INSYN2B: variants seen among roughly 807,000 people sequenced by gnomAD.
INSYN2B encodes the protein protein INSYN2B.
Under a neutral mutation model 41.2 loss-of-function variants are expected in INSYN2B, and 16 were observed. The ratio of observed to expected loss-of-function variants is 0.39; its 90% confidence interval spans 0.26 to 0.59. INSYN2B has a LOEUF of 0.59. INSYN2B is among the 20% of genes least tolerant of loss of function. The pLI, the probability that INSYN2B is intolerant of heterozygous loss-of-function variation, is 0.57. For missense variants in INSYN2B, 608 were observed against 646.4 expected (o/e 0.94, Z 0.64); for synonymous variants, 245 against 244.4 (o/e 1.00, Z -0.02).
At chr5:169,960,844 A>G (rs1777057049) in intron 1 of INSYN2B, among the ~76,000 whole-genome samples, 1 of 152,252 alleles carries the variant, frequency 6.6e-6, no homozygotes, top group Non-Finnish European at 1.5e-5. Context: ...CTCTTTGCCT[A>G]GGATGTGAAT....
chr5:169,863,240 T>C lies in INSYN2B; in HGVS notation c.*1033A>G, dbSNP rs1000474376. ...ATCCATAGTCCTGCTAGTTTTTCAA[T>C]CAGGTGACCATTGTCTGGTCACCAG... On this transcript the variant is annotated 3_prime_UTR_variant, in exon 4 of 4. Coordinates refer to ENST00000377365, the MANE Select transcript of INSYN2B (RefSeq NM_001129891.3). Among the ~76,000 whole-genome samples, 1 of 152,186 alleles carries C rather than the reference T, an allele frequency of 6.6e-6. No homozygotes were observed.
chr5:169,956,292 T>C (rs1561849406), intron 1 of INSYN2B, among the ~76,000 whole-genome samples: 1 of 152,190 alleles, frequency 6.6e-6, no homozygotes, highest in Non-Finnish European at 1.5e-5. Flanking sequence ...ATAGTTGGAG[T>C]GCCTGGGAGC....
At chr5:169,904,583 T>C (rs897764238) in intron 1 of INSYN2B, among the ~76,000 whole-genome samples, 33 of 152,062 alleles carry the variant, frequency 2.2e-4, no homozygotes, top group African/African-American at 6.5e-4. Context: ...AGCAGCACCA[T>C]CATCTCATTC....
intron 1 of INSYN2B, among the ~76,000 whole-genome samples, chr5:169,904,836 G>A (rs1774179383): frequency 6.6e-6 from 1 of 152,160 alleles, no homozygotes; most frequent in Non-Finnish European, 1.5e-5. Flanking sequence ...ATTTCTGTGT[G>A]GGAGGGCCTG....
At position 169,883,780 on chromosome 5, in the gene INSYN2B, T is replaced by C. The variant is rs1454490991; in HGVS notation, c.119A>G (p.Lys40Arg). The C allele has an allele frequency of 6.4e-7, 1 of 1,551,576 alleles. No individual in the cohort carries two copies. The highest frequency in any genetic ancestry group is 8.7e-7 in the Non-Finnish European group (1 of 1,146,970). The change falls in exon 2 of 4, where the codon AAG (lysine) becomes AGG (arginine). Residue 40 changes from lysine to arginine, a missense_variant. Physicochemically the swap from Lys to Arg is conservative, Grantham distance 26. Coordinates refer to ENST00000377365, the MANE Select transcript of INSYN2B (RefSeq NM_001129891.3). ...RRSKSQQVRF[K>R]EDGTTKNPTG... ...TGGATTCTTAGTGGTCCCATCTTCC[T>C]TGAATCTCACCTGCTGGGATTTGCT...
At chr5:169,923,130 A>G (rs1775264576) in intron 1 of INSYN2B, among the ~76,000 whole-genome samples, 1 of 152,208 alleles carries the variant, frequency 6.6e-6, no homozygotes, top group Non-Finnish European at 1.5e-5. Context: ...TCCAAGGCCT[A>G]TGCTCCTCAC....
At chr5:169,909,885 G>A (rs1191734414) in intron 1 of INSYN2B, among the ~76,000 whole-genome samples, 1 of 152,156 alleles carries the variant, frequency 6.6e-6, no homozygotes, top group East Asian at 1.9e-4. Context: ...TCACTGAGTT[G>A]TTTACTTGGG....
chr5:169,890,742 A>G (rs1048695795), intron 1 of INSYN2B, among the ~76,000 whole-genome samples: 2 of 152,164 alleles, frequency 1.3e-5, no homozygotes, highest in Admixed American at 6.6e-5. Flanking sequence ...GATGTTGGAT[A>G]TGTGCTGATT....
chr5:169,901,794 A>G (rs1203925040), intron 1 of INSYN2B, among the ~76,000 whole-genome samples: 1 of 152,240 alleles, frequency 6.6e-6, no homozygotes, highest in Non-Finnish European at 1.5e-5. Flanking sequence ...CCAGAGCCAA[A>G]TGGAGGGGTT....
rs566720012 is a variant in INSYN2B at position 169,908,723 on chromosome 5, T to C, written c.-918-23907A>G. The stretch of plus-strand genomic sequence containing the variant: ...TCTCTTTTCTTTTTTCTTTTTTTTT[T>C]TTTTTTTTTGAGACCGAGTCTCACT... On this transcript the variant is annotated intron_variant, in intron 1 of 3. Transcript: ENST00000377365. Among the ~76,000 whole-genome samples, 48 of 146,852 alleles carry C rather than the reference T, an allele frequency of 3.3e-4. No homozygotes were observed. The East Asian group carries it at 8.2e-3, about 25-fold the overall frequency.
At chr5:169,925,662 T>C (rs1775408870) in intron 1 of INSYN2B, among the ~76,000 whole-genome samples, 1 of 149,452 alleles carries the variant, frequency 6.7e-6, no homozygotes, top group African/African-American at 2.5e-5. Flanking sequence ...GTGTGACCTG[T>C]GGGACTTCTG....
chr5:169,886,873 A>G (rs1773001074), intron 1 of INSYN2B, among the ~76,000 whole-genome samples: 2 of 152,198 alleles, frequency 1.3e-5, no homozygotes, highest in African/African-American at 4.8e-5. Context: ...GCTGGTTTTC[A>G]TAAGAGCTAA....
At chr5:169,918,434 G>T (rs191267405) in intron 1 of INSYN2B, among the ~76,000 whole-genome samples, 6 of 152,280 alleles carry the variant, frequency 3.9e-5, no homozygotes, top group African/African-American at 1.4e-4. Flanking sequence ...GAAACCACAT[G>T]CATGCACACT....
intron 1 of INSYN2B, among the ~76,000 whole-genome samples, chr5:169,927,254 A>G (rs1775506770): frequency 6.6e-6 from 1 of 152,204 alleles, no homozygotes; most frequent in Non-Finnish European, 1.5e-5. Context: ...TCGGAGAGGT[A>G]GAAGCAGCCA....
intron 3 of INSYN2B, among the ~76,000 whole-genome samples, chr5:169,872,362 T>C (rs1772035059): frequency 6.6e-6 from 1 of 152,206 alleles, no homozygotes; most frequent in African/African-American, 2.4e-5. Flanking sequence ...ACAGGAACTT[T>C]AGTTTGTATG....
intron 3 of INSYN2B, among the ~76,000 whole-genome samples, chr5:169,866,792 G>C (rs1044791344): frequency 2.6e-5 from 4 of 152,150 alleles, no homozygotes; most frequent in African/African-American, 9.7e-5. Context: ...TTTTTCCTCT[G>C]CTCTCACACC....
Position 169,891,454 on chromosome 5 carries a change from G to C in INSYN2B, c.-918-6638C>G, listed in dbSNP as rs188054644. Among the ~76,000 whole-genome samples, 667 of 152,302 alleles carry C rather than the reference G, an allele frequency of 4.4e-3. 7 individuals carry two copies. The highest frequency in any genetic ancestry group is 0.015 in the African/African-American group (624 of 41,558). ...AGTTTAAAACTTTAGATCTTGGGTA[G>C]AATCTTATTTAACGATTTTCAAAAT... is the stretch of plus-strand genomic sequence containing the variant. On this transcript the variant is annotated intron_variant, in intron 1 of 3. Transcript: ENST00000377365.
In INSYN2B at chr5:169,903,311, T is replaced by TAA. The variant is rs142632030; in HGVS notation, c.-918-18497_-918-18496dup. On this transcript the variant is annotated intron_variant, in intron 1 of 3. Transcript: ENST00000377365. ...CTCTAAAAAACAACAACAACAACAA[T>TAA]AAAAAAAAAAAAAAAAAAGGAAAAG... Among the ~76,000 whole-genome samples, 143 of 111,056 alleles carry TAA rather than the reference T, an allele frequency of 1.3e-3. 1 individual carries two copies. Among genetic ancestry groups the TAA allele is most frequent in the South Asian group, 0.011 (37 of 3,450 alleles). The allele number at this position is 111,056 out of a possible 152,430, so 72.9% of individuals were successfully genotyped here.
intron 1 of INSYN2B, among the ~76,000 whole-genome samples, chr5:169,890,047 A>G (rs1773194531): frequency 1.3e-5 from 2 of 152,352 alleles, no homozygotes; most frequent in South Asian, 4.1e-4. Flanking sequence ...GGGAAGCATT[A>G]TCCCTGTTTT....
Sources: gnomAD v4.1 joint callset for allele counts (sites outside exome capture counted in the v4.1 genomes callset) on GRCh38, gnomAD v4.1.1 for gene constraint, MANE v1.5 for transcripts, NCBI Gene and HGNC (gene_info 2026-07-23, HGNC 2026-07-21) for gene names.